GRID1: variants seen among roughly 807,000 people sequenced by gnomAD.
GRID1 encodes glutamate ionotropic receptor delta type subunit 1.
Under a neutral mutation model 98.0 loss-of-function variants are expected in GRID1, and 28 were observed. That is an observed-to-expected ratio of 0.29 (90% CI 0.21 to 0.39). The LOEUF (loss-of-function observed/expected upper bound fraction) is 0.39, where lower values mean the gene tolerates loss of function less well. GRID1 is among the 10% of genes least tolerant of loss of function. The pLI, the probability that GRID1 is intolerant of heterozygous loss-of-function variation, is 1.00. For missense variants in GRID1, 1,111 were observed against 1,340.5 expected, an observed-to-expected ratio of 0.83 and a Z score of 2.67; for synonymous variants, 553 against 538.5, an observed-to-expected ratio of 1.03 and a Z score of -0.37.
intron 2 of GRID1, among the ~76,000 whole-genome samples, chr10:86,290,681 AATAAAAT>A (rs1320750020): frequency 4.7e-5 from 4 of 84,354 alleles, no homozygotes; most frequent in African/African-American, 1.4e-4. Context: ...AATAAAATAA[AATAAAAT>A]ATGTTCCAGG....
At chr10:86,354,452 A>G (rs1252877729) in intron 2 of GRID1, among the ~76,000 whole-genome samples, 1 of 152,108 alleles carries the variant, frequency 6.6e-6, no homozygotes, top group African/African-American at 2.4e-5. Flanking sequence ...ATGAGCCCCA[A>G]GGCGCTAAGC....
intron 4 of GRID1, among the ~76,000 whole-genome samples, chr10:85,969,674 T>G (rs1298103300): frequency 2.0e-5 from 3 of 152,060 alleles, no homozygotes; most frequent in African/African-American, 4.8e-5. Flanking sequence ...TATCAAAATT[T>G]ATAGGATGTG....
At chr10:85,767,123 G>A (rs766231583) in intron 8 of GRID1, among the ~76,000 whole-genome samples, 10 of 152,186 alleles carry the variant, frequency 6.6e-5, no homozygotes, top group East Asian at 1.9e-4. Flanking sequence ...CCCAGAACTC[G>A]AGATCAGGAG....
At chr10:86,204,001 C>G (rs1486247119) in intron 3 of GRID1, among the ~76,000 whole-genome samples, 2 of 152,138 alleles carry the variant, frequency 1.3e-5, no homozygotes, top group African/African-American at 4.8e-5. Context: ...TGATAAGGAG[C>G]AGTCTGGTTG....
Position 85,948,256 on chromosome 10 carries a change from C to G in GRID1, c.727-32017G>C, listed in dbSNP as rs185513376. ...AACTCTCTGTCCATTGTTTAATCAT[C>G]TAAAATTATTCCAAGTGAAAAGTTT... On this transcript the variant is annotated intron_variant, in intron 4 of 15. Transcript: ENST00000327946. 7.2e-5 allele frequency among the ~76,000 whole-genome samples: 11 copies of G among 152,320 alleles called. No individual in the cohort carries two copies. The East Asian group carries it at 2.1e-3, about 29-fold the overall frequency.
At chr10:85,635,141 C>T (rs1442419189) in intron 13 of GRID1, among the ~76,000 whole-genome samples, 1 of 150,232 alleles carries the variant, frequency 6.7e-6, no homozygotes, top group Non-Finnish European at 1.5e-5. Flanking sequence ...CCAGAGCTTA[C>T]TCTATCAAAT....
intron 4 of GRID1, among the ~76,000 whole-genome samples, chr10:85,969,436 C>T (rs1935495): frequency 0.065 from 9,959 of 152,102 alleles, 1,057 homozygotes; most frequent in African/African-American, 0.22. Flanking sequence ...AGACTATGTG[C>T]TATGCCCTAA....
At chr10:86,256,611 T>C (rs1321380649) in intron 2 of GRID1, among the ~76,000 whole-genome samples, 5 of 152,188 alleles carry the variant, frequency 3.3e-5, no homozygotes, top group African/African-American at 1.2e-4. Flanking sequence ...TCTCTCTCTC[T>C]CTCTTCATAT....
intron 8 of GRID1, among the ~76,000 whole-genome samples, chr10:85,750,404 C>T (rs1440840632): frequency 6.6e-6 from 1 of 152,084 alleles, no homozygotes; most frequent in Admixed American, 6.6e-5. Flanking sequence ...TCTGCCCAAC[C>T]TCATAGGCAG....
At chr10:85,663,431 A>G (rs1314116548) in intron 12 of GRID1, among the ~76,000 whole-genome samples, 1 of 152,212 alleles carries the variant, frequency 6.6e-6, no homozygotes, top group Non-Finnish European at 1.5e-5. Flanking sequence ...CAGCCCTCAG[A>G]AGAAATCAGC....
chr10:86,226,693 A>G (rs1846356116), intron 2 of GRID1, among the ~76,000 whole-genome samples: 1 of 142,984 alleles, frequency 7.0e-6, no homozygotes, highest in Admixed American at 7.1e-5. Flanking sequence ...GTTGGCAGCA[A>G]CAGGAGTCAC....
intron 2 of GRID1, among the ~76,000 whole-genome samples, chr10:86,286,438 C>T (rs940572675): frequency 6.6e-6 from 1 of 152,296 alleles, no homozygotes; most frequent in African/African-American, 2.4e-5. Context: ...GGGCATCTTT[C>T]CCTTCCCTGC....
chr10:86,124,181 G>T lies in GRID1; in HGVS notation c.726+14638C>A, dbSNP rs564790662. 8.3e-4 allele frequency among the ~76,000 whole-genome samples: 127 copies of T among 152,228 alleles called. No individual in the cohort carries two copies. In the South Asian group the frequency reaches 0.011, roughly 13 times the overall value. On this transcript the variant is annotated intron_variant, in intron 4 of 15. Transcript: ENST00000327946. ...TGGCAGAGACAACACCTTAACCCTG[G>T]TCCCTTTCCAGATCATGCTGCTCAC...
intron 4 of GRID1, among the ~76,000 whole-genome samples, chr10:85,920,694 G>A (rs1040960215): frequency 1.3e-5 from 2 of 149,872 alleles, no homozygotes; most frequent in African/African-American, 4.9e-5. Context: ...GCATAATGCT[G>A]TGGGCATCAG....
intron 13 of GRID1, among the ~76,000 whole-genome samples, chr10:85,631,768 G>A (rs1842977923): frequency 6.6e-6 from 1 of 152,112 alleles, no homozygotes; most frequent in Admixed American, 6.5e-5. Context: ...AATTAAGAAT[G>A]ACCTAAAAGA....
At chr10:85,829,453 C>T (rs1842848517) in intron 8 of GRID1, among the ~76,000 whole-genome samples, 1 of 152,072 alleles carries the variant, frequency 6.6e-6, no homozygotes, top group Non-Finnish European at 1.5e-5. Flanking sequence ...CTAGCCAGAG[C>T]AATCAGCAAG....
chr10:86,023,911 A>AT (rs1484834589), intron 4 of GRID1, among the ~76,000 whole-genome samples: 2 of 152,172 alleles, frequency 1.3e-5, no homozygotes, highest in African/African-American at 4.8e-5. Context: ...AAATAAACAG[A>AT]TAAGTATACA....
intron 4 of GRID1, among the ~76,000 whole-genome samples, chr10:85,970,998 G>A (rs984125357): frequency 1.3e-5 from 2 of 151,662 alleles, no homozygotes; most frequent in African/African-American, 2.4e-5. Flanking sequence ...AAGGTTGCAG[G>A]ATACAAGATC....
chr10:86,221,747 G>C (rs1347860322), intron 2 of GRID1, among the ~76,000 whole-genome samples: 1 of 152,192 alleles, frequency 6.6e-6, no homozygotes, highest in East Asian at 1.9e-4. Flanking sequence ...AGAAGTCTTT[G>C]GATGATCAGC....
Sources: allele counts gnomAD v4.1 joint callset (sites outside exome capture counted in the v4.1 genomes callset), GRCh38; gene constraint gnomAD v4.1.1; transcripts MANE v1.5; gene names NCBI Gene and HGNC (gene_info 2026-07-23, HGNC 2026-07-21).